MCTP1: variants seen among roughly 807,000 people sequenced by gnomAD.
MCTP1 encodes the protein multiple C2 and transmembrane domain-containing protein 1.
In MCTP1, 69 loss-of-function variants were observed where a neutral mutation model predicts 120.6. The observed-to-expected ratio is 0.57, with a 90% confidence interval of 0.47 to 0.70. MCTP1 has a LOEUF of 0.70. Among genes scored for constraint, MCTP1 ranks in the 30% least tolerant of loss-of-function variants. The pLI, the probability that MCTP1 is intolerant of heterozygous loss-of-function variation, is 0.00. For synonymous variants in MCTP1, 529 were observed against 493.1 expected (o/e 1.07, Z -0.96); for missense variants, 1,203 against 1,248.8 (o/e 0.96, Z 0.55).
chr5:94,801,821 T>C (rs1781298790), intron 17 of MCTP1, among the ~76,000 whole-genome samples: 1 of 152,192 alleles, frequency 6.6e-6, no homozygotes, highest in Non-Finnish European at 1.5e-5. Context: ...CAAGACATCT[T>C]TCATGCATTC....
At chr5:95,216,496 A>C (rs996401056) in intron 1 of MCTP1, among the ~76,000 whole-genome samples, 1 of 152,150 alleles carries the variant, frequency 6.6e-6, no homozygotes, top group Non-Finnish European at 1.5e-5. Context: ...ACTGTGTTCT[A>C]TCAGCATTTT....
At chr5:95,275,583 A>T (rs563461911) in intron 1 of MCTP1, among the ~76,000 whole-genome samples, 1 of 152,362 alleles carries the variant, frequency 6.6e-6, no homozygotes, top group South Asian at 2.1e-4. Context: ...CTTTAATATT[A>T]TATTTAATTT....
intron 1 of MCTP1, among the ~76,000 whole-genome samples, chr5:95,069,444 C>T (rs1394115878): frequency 2.3e-5 from 2 of 88,198 alleles, no homozygotes; most frequent in Non-Finnish European, 5.9e-5. Context: ...GGGAGCATAG[C>T]ATTTTTTTTT....
intron 19 of MCTP1, among the ~76,000 whole-genome samples, chr5:94,772,980 T>A (rs569417221): frequency 6.6e-6 from 1 of 152,304 alleles, no homozygotes; most frequent in African/African-American, 2.4e-5. Context: ...ACTAGATTAT[T>A]TCTTGGGTAC....
intron 19 of MCTP1, among the ~76,000 whole-genome samples, chr5:94,722,219 G>A (rs781439953): frequency 2.0e-5 from 3 of 152,090 alleles, no homozygotes; most frequent in Admixed American, 6.6e-5. Context: ...CCTGTTCATC[G>A]ACTTTCAAGC....
At chr5:95,054,345 C>A (rs948958702) in intron 1 of MCTP1, among the ~76,000 whole-genome samples, 2 of 152,204 alleles carry the variant, frequency 1.3e-5, no homozygotes, top group Admixed American at 1.3e-4. Flanking sequence ...AGGAAGATTA[C>A]CTTCTTCAAA....
intron 1 of MCTP1, among the ~76,000 whole-genome samples, chr5:95,217,451 C>G (rs954662027): frequency 1.1e-4 from 17 of 152,156 alleles, no homozygotes; most frequent in Non-Finnish European, 2.2e-4. Flanking sequence ...CTATAGATAA[C>G]TATATTTCTT....
intron 2 of MCTP1, among the ~76,000 whole-genome samples, chr5:95,004,633 A>G (rs1834328846): frequency 6.6e-6 from 1 of 152,212 alleles, no homozygotes; most frequent in Non-Finnish European, 1.5e-5. Context: ...GATATGTCTC[A>G]GGCTGCTGCT....
chr5:95,227,605 T>C (rs146465117), intron 1 of MCTP1, among the ~76,000 whole-genome samples: 1 of 152,216 alleles, frequency 6.6e-6, no homozygotes, highest in Non-Finnish European at 1.5e-5. Flanking sequence ...GTTTATAACA[T>C]CTTCTAGAAT....
At chr5:94,780,024 C>T (rs1190003430) in intron 18 of MCTP1, among the ~76,000 whole-genome samples, 1 of 152,090 alleles carries the variant, frequency 6.6e-6, no homozygotes, top group African/African-American at 2.4e-5. Context: ...CACAAACATA[C>T]ACATATGCAT....
At chr5:94,872,465 CA>C (rs1247040578) in intron 13 of MCTP1, among the ~76,000 whole-genome samples, 1 of 151,528 alleles carries the variant, frequency 6.6e-6, no homozygotes, top group African/African-American at 2.4e-5. Context: ...TTTTCATATA[CA>C]AAAAAATAGA....
In MCTP1 at chr5:95,111,965, A is replaced by G. The variant is rs1435342064; in HGVS notation, c.721-94481T>C. On this transcript the variant is annotated intron_variant, in intron 1 of 22. Transcript: ENST00000515393. ...TAATAGACCCAAAATCTGAGCAAAC[A>G]TACACATCTAACTTATCTTGGTATT... Among the ~76,000 whole-genome samples the G allele has an allele frequency of 3.3e-5, 5 of 152,322 alleles. No homozygotes were observed. The East Asian group carries it at 9.6e-4, about 29-fold the overall frequency.
intron 17 of MCTP1, among the ~76,000 whole-genome samples, chr5:94,820,749 GT>G (rs1785448912): frequency 6.6e-6 from 1 of 152,162 alleles, no homozygotes; most frequent in African/African-American, 2.4e-5. Flanking sequence ...TCAAAAATCA[GT>G]TGTGAGAAAT....
intron 1 of MCTP1, among the ~76,000 whole-genome samples, chr5:95,221,159 C>T (rs1029588917): frequency 6.6e-6 from 1 of 152,164 alleles, no homozygotes; most frequent in South Asian, 2.1e-4. Context: ...AACTAACATG[C>T]CAATGTGCTC....
chr5:95,259,612 C>T (rs573609650), intron 1 of MCTP1, among the ~76,000 whole-genome samples: 3 of 152,288 alleles, frequency 2.0e-5, no homozygotes, highest in African/African-American at 7.2e-5. Flanking sequence ...TTGCTGTACC[C>T]TGGTGGGGGC....
At chr5:94,753,582 T>C (rs1022650228) in intron 19 of MCTP1, among the ~76,000 whole-genome samples, 2 of 152,368 alleles carry the variant, frequency 1.3e-5, no homozygotes, top group Middle Eastern at 3.4e-3. Flanking sequence ...GTTGCTTCTG[T>C]AATAATTACA....
intron 17 of MCTP1, among the ~76,000 whole-genome samples, chr5:94,861,592 A>G (rs1377059650): frequency 6.6e-6 from 1 of 151,832 alleles, no homozygotes; most frequent in Non-Finnish European, 1.5e-5. Flanking sequence ...ATTTATTTAA[A>G]CTTTTTCCTT....
At chr5:94,906,748 C>A (rs1468920961) in intron 10 of MCTP1, among the ~76,000 whole-genome samples, 3 of 152,086 alleles carry the variant, frequency 2.0e-5, no homozygotes, top group Non-Finnish European at 4.4e-5. Flanking sequence ...GTAATCCATA[C>A]AAATGTTCTC....
intron 2 of MCTP1, among the ~76,000 whole-genome samples, chr5:94,989,761 T>C (rs1193404941): frequency 1.3e-5 from 2 of 152,120 alleles, no homozygotes; most frequent in Admixed American, 1.3e-4. Context: ...GGTGAGGGGA[T>C]CCAGATTGAG....
Sources: allele counts gnomAD v4.1 joint callset (sites outside exome capture counted in the v4.1 genomes callset), GRCh38; gene constraint gnomAD v4.1.1; transcripts MANE v1.5; gene names NCBI Gene and HGNC (gene_info 2026-07-23, HGNC 2026-07-21).